The following SYT6 variants were observed in gnomAD, a reference collection of about 807,000 sequenced individuals.
SYT6 encodes the protein synaptotagmin-6.
SYT6 carries 24 observed loss-of-function variants against 38.4 expected under a neutral mutation model. That is an observed-to-expected ratio of 0.62 (90% CI 0.45 to 0.88). The LOEUF is 0.88. Ranked by LOEUF, SYT6 falls within the 40% of genes least tolerant of loss-of-function variation. The probability of loss-of-function intolerance (pLI) is 0.00; values close to 1 mark genes in which losing one functional copy is unlikely to be tolerated. For missense variants in SYT6, 611 were observed against 621.0 expected, an observed-to-expected ratio of 0.98 and a Z score of 0.17; for synonymous variants, 265 against 241.9, an observed-to-expected ratio of 1.10 and a Z score of -0.89.
chr1:114,139,566 GGGAGTGT>G, intron 2 of SYT6, 42 bp downstream of exon 2: 1 of 1,609,918 alleles, frequency 6.2e-7, no homozygotes. Flanking sequence ...GATGTATTAA[GGGAGTGT>G]GGAGGTGTGG....
intron 1 of SYT6, among the ~76,000 whole-genome samples, chr1:114,142,065 TA>T (rs2101103194): frequency 1.3e-5 from 2 of 152,330 alleles, no homozygotes; most frequent in African/African-American, 4.8e-5. Context: ...TCATGCCAGC[TA>T]AAACAACGTC....
intron 1 of SYT6, among the ~76,000 whole-genome samples, chr1:114,145,542 C>T (rs1479514562): frequency 1.6e-5 from 2 of 127,016 alleles, no homozygotes; most frequent in African/African-American, 3.0e-5. Flanking sequence ...GTTATGAGTT[C>T]ATGATCTAAA....
chr1:114,119,899 G>C (rs1241502587), intron 3 of SYT6, among the ~76,000 whole-genome samples: 1 of 152,050 alleles, frequency 6.6e-6, no homozygotes, highest in Non-Finnish European at 1.5e-5. Context: ...GTGGAACGCT[G>C]TCTCTACTAA....
chr1:114,133,907 C>T (rs778649771), intron 3 of SYT6, among the ~76,000 whole-genome samples: 13 of 152,094 alleles, frequency 8.5e-5, no homozygotes, highest in South Asian at 6.2e-4. Flanking sequence ...GCCTTGAGCT[C>T]AGGGTTCTGT....
chr1:114,150,740 G>C (rs1340798703), intron 1 of SYT6, among the ~76,000 whole-genome samples: 1 of 152,204 alleles, frequency 6.6e-6, no homozygotes, highest in African/African-American at 2.4e-5. Flanking sequence ...TTCACTTGGG[G>C]TGTATTAAGG....
intron 1 of SYT6, among the ~76,000 whole-genome samples, chr1:114,143,101 T>C (rs1678950284): frequency 6.6e-6 from 1 of 150,860 alleles, no homozygotes; most frequent in Admixed American, 6.6e-5. Context: ...TTACAGTATA[T>C]TTTATACTGT....
At chr1:114,129,531 T>C (rs1677957856) in intron 3 of SYT6, among the ~76,000 whole-genome samples, 1 of 151,220 alleles carries the variant, frequency 6.6e-6, no homozygotes, top group Non-Finnish European at 1.5e-5. Flanking sequence ...TTTCTCTTTC[T>C]TTCTTTCTTT....
In SYT6 at chr1:114,153,755, C is replaced by T. The variant is rs1194705908; in HGVS notation, c.18G>A (p.Gly6=). Reference sequence around the variant, plus strand: ...CCTCCTGGCACCGAGGCCCGCCGGCCCCCCACACTCCGCTCATGCCCTAGA... The same window carrying T: ...CCTCCTGGCACCGAGGCCCGCCGGCTCCCCACACTCCGCTCATGCCCTAGA... MSGVW[G]AGGPRCQEAL... is the part of the protein sequence containing the mutation. The change falls in exon 1 of 8, where the codon GGG becomes GGA. Residue 6 remains glycine, a synonymous_variant. Coordinates refer to ENST00000610222, the MANE Select transcript of SYT6 (RefSeq NM_001253772.2). 4.4e-6 allele frequency: 3 copies of T among 680,942 alleles called. No homozygotes were observed. The highest frequency in any genetic ancestry group is 8.0e-6 in the Non-Finnish European group (3 of 375,898). The allele number at this position is 680,942 out of a possible 1,614,324, so 42.2% of individuals were successfully genotyped here.
In SYT6 at chr1:114,153,844, G is replaced by C. The variant is rs1193028627; in HGVS notation, c.-72C>G. On this transcript the variant is annotated 5_prime_UTR_variant, in exon 1 of 8. Transcript: ENST00000610222. The stretch of plus-strand genomic sequence containing the variant: ...CGGCCGCACTGGGGCGGGGCACGAC[G>C]GCCCCAAGAAGACCCTCCCTGCAGC... The C allele has an allele frequency of 8.8e-6, 5 of 570,538 alleles. No individual in the cohort carries two copies. Among genetic ancestry groups the C allele is most frequent in the African/African-American group, 2.0e-5 (1 of 49,654 alleles). The allele number at this position is 570,538 out of a possible 1,614,324, so 35.3% of individuals were successfully genotyped here. A position where few individuals can be genotyped will look rare whatever the true frequency, so the allele number is the denominator to read the frequency against.
chr1:114,119,841 G>A (rs546043701), intron 3 of SYT6, among the ~76,000 whole-genome samples: 2 of 152,312 alleles, frequency 1.3e-5, no homozygotes, highest in South Asian at 4.1e-4. Flanking sequence ...GGAGGCGGAG[G>A]CAGGCGGATC....
chr1:114,109,705 G>C (rs141458461), intron 3 of SYT6, among the ~76,000 whole-genome samples: 1,990 of 152,248 alleles, frequency 0.013, 19 homozygotes, highest in Non-Finnish European at 0.019. Context: ...GCAGGGAAAG[G>C]CATGTCAGTA....
intron 7 of SYT6, among the ~76,000 whole-genome samples, chr1:114,093,244 T>A (rs998339562): frequency 6.6e-6 from 1 of 152,170 alleles, no homozygotes; most frequent in African/African-American, 2.4e-5. Context: ...CAGCATCACC[T>A]GCGGAGTAGA....
At chr1:114,114,130 C>T (rs376341202) in intron 3 of SYT6, among the ~76,000 whole-genome samples, 2 of 152,138 alleles carry the variant, frequency 1.3e-5, no homozygotes, top group African/African-American at 4.8e-5. Context: ...ACTGTGTTCC[C>T]GAAGGACAGA....
rs1266972665 is a variant in SYT6 at position 114,092,045 on chromosome 1, G to A, written c.*89C>T. On this transcript the variant is annotated 3_prime_UTR_variant, in exon 8 of 8. Coordinates refer to ENST00000610222, the MANE Select transcript of SYT6 (RefSeq NM_001253772.2). ...TGGAGGTGGTTTCGGAGATGGGCAC[G>A]AGCTCTCACTGTCGAAGCTAGCAGC... 12 of 1,536,146 alleles carry A rather than the reference G, an allele frequency of 7.8e-6. No individual in the cohort carries two copies. Among genetic ancestry groups the A allele is most frequent in the South Asian group, 7.1e-5 (6 of 84,060 alleles).
chr1:114,101,531 G>A (rs1457964230), intron 4 of SYT6, among the ~76,000 whole-genome samples: 3 of 152,202 alleles, frequency 2.0e-5, no homozygotes, highest in African/African-American at 7.2e-5. Flanking sequence ...TAGTGTCATG[G>A]TTCTAGCAGA....
intron 6 of SYT6, among the ~76,000 whole-genome samples, chr1:114,095,656 G>A (rs1675589326): frequency 7.7e-6 from 1 of 130,420 alleles, no homozygotes; most frequent in African/African-American, 2.7e-5. Context: ...GGGGCAGTGA[G>A]TTTTCTTTTC....
At chr1:114,097,693 G>C in intron 6 of SYT6, 34 bp downstream of exon 6, 1 of 1,608,876 alleles carries the variant, frequency 6.2e-7, no homozygotes, top group Non-Finnish European at 8.5e-7. Context: ...CTGCCATGCA[G>C]CAAACATGCC....
At chr1:114,133,411 C>T (rs536367958) in intron 3 of SYT6, among the ~76,000 whole-genome samples, 3 of 152,260 alleles carry the variant, frequency 2.0e-5, no homozygotes, top group East Asian at 1.9e-4. Flanking sequence ...TTAGCAAACC[C>T]GGGTGACGGC....
chr1:114,139,456 T>C (rs1395007445), intron 2 of SYT6, among the ~76,000 whole-genome samples, 159 bp downstream of exon 2: 1 of 152,182 alleles, frequency 6.6e-6, no homozygotes, highest in Non-Finnish European at 1.5e-5. Context: ...CACCTCCTCA[T>C]TGATCACCCA....
Sources: allele counts gnomAD v4.1 joint callset (sites outside exome capture counted in the v4.1 genomes callset), GRCh38; gene constraint gnomAD v4.1.1; transcripts MANE v1.5; gene names NCBI Gene and HGNC (gene_info 2026-07-23, HGNC 2026-07-21).